The following TRIP4 variants were observed in gnomAD, a reference collection of about 807,000 sequenced individuals.
TRIP4 encodes the protein activating signal cointegrator 1.
TRIP4 carries 54 observed loss-of-function variants against 81.8 expected under a neutral mutation model. The ratio of observed to expected loss-of-function variants is 0.66; its 90% confidence interval spans 0.53 to 0.83. The LOEUF is 0.83. TRIP4 is among the 40% of genes least tolerant of loss of function. TRIP4 has a pLI of 0.00. For missense variants in TRIP4, 662 were observed against 683.6 expected (o/e 0.97, Z 0.35); for synonymous variants, 270 against 242.8 (o/e 1.11, Z -1.04).
chr15:64,418,840 CT>C, intron 9 of TRIP4, 112 bp downstream of exon 9: 1 of 981,058 alleles, frequency 1.0e-6, no homozygotes, highest in Non-Finnish European at 1.4e-6. Context: ...TTATAATACT[CT>C]TCAATAAATA....
intron 11 of TRIP4, among the ~76,000 whole-genome samples, chr15:64,441,242 C>T (rs1321594338): frequency 6.6e-6 from 1 of 151,750 alleles, no homozygotes; most frequent in Non-Finnish European, 1.5e-5. Flanking sequence ...GTGGTCCGCC[C>T]GCTTTGGCCT....
chr15:64,420,839 A>AT (rs1464183602), intron 9 of TRIP4, among the ~76,000 whole-genome samples: 1 of 151,572 alleles, frequency 6.6e-6, no homozygotes, highest in Non-Finnish European at 1.5e-5. Flanking sequence ...GCCATTTCTT[A>AT]TTTTTTTCTA....
chr15:64,387,989 G>C, intron 1 of TRIP4, 25 bp downstream of exon 1: 1 of 1,540,408 alleles, frequency 6.5e-7, no homozygotes. Flanking sequence ...GGTCCAAGCG[G>C]GGAAGGAGCT....
At chr15:64,444,949 C>T in intron 11 of TRIP4, 57 bp from the exon 12 acceptor site, 1 of 912,256 alleles carries the variant, frequency 1.1e-6, no homozygotes, top group South Asian at 1.5e-5. Flanking sequence ...CTTCTGTTCT[C>T]CTTAAATTCA....
chr15:64,441,596 A>C (rs1017043101), intron 11 of TRIP4, among the ~76,000 whole-genome samples: 1 of 151,406 alleles, frequency 6.6e-6, no homozygotes, highest in Non-Finnish European at 1.5e-5. Context: ...ACACGGTGAA[A>C]CCCCGTCTCT....
chr15:64,418,681 C>G lies in TRIP4; in HGVS notation c.1311C>G (p.Leu437=). ...AAGGCTTTGATGGTGGCTGGTGCCT[C>G]TCTGTACATCAGCCCTGGGCTTCTC... ...FQEGFDGGWC[L]SVHQPWASLL... Residue 437 remains leucine (L), a synonymous_variant, in exon 9 of 13, where the codon CTC becomes CTG. Transcript: ENST00000261884. 1 of 1,613,986 alleles carries G rather than the reference C, an allele frequency of 6.2e-7. No individual in the cohort carries two copies. The highest frequency in any genetic ancestry group is 8.5e-7 in the Non-Finnish European group (1 of 1,180,018).
At chr15:64,436,359 C>T (rs552286419) in intron 11 of TRIP4, among the ~76,000 whole-genome samples, 127 of 150,656 alleles carry the variant, frequency 8.4e-4, no homozygotes, top group Middle Eastern at 3.6e-3. Context: ...TTTGGGAGGC[C>T]GAGGCGGGCA....
chr15:64,432,802 T>G (rs1424671198), intron 11 of TRIP4, among the ~76,000 whole-genome samples: 1 of 151,356 alleles, frequency 6.6e-6, no homozygotes, highest in Non-Finnish European at 1.5e-5. Flanking sequence ...TCCCAGCTAC[T>G]CGGGAGGCTG....
At chr15:64,415,626 C>G (rs1231775014) in intron 8 of TRIP4, among the ~76,000 whole-genome samples, 1 of 152,202 alleles carries the variant, frequency 6.6e-6, no homozygotes, top group Non-Finnish European at 1.5e-5. Flanking sequence ...ACTGTGTGCT[C>G]TCTCCTCTTA....
intron 11 of TRIP4, among the ~76,000 whole-genome samples, chr15:64,437,224 G>C (rs1245077677): frequency 6.7e-6 from 1 of 149,968 alleles, no homozygotes; most frequent in Non-Finnish European, 1.5e-5. Context: ...TTCAAGAGTA[G>C]CCTGGCCAAC....
At chr15:64,388,179 C>A in intron 1 of TRIP4, 1 of 781,224 alleles carries the variant, frequency 1.3e-6, no homozygotes. Flanking sequence ...GGCTTTTTTC[C>A]TGGGAAGACG....
chr15:64,412,431 T>C (rs530087904), intron 7 of TRIP4, among the ~76,000 whole-genome samples: 2 of 152,296 alleles, frequency 1.3e-5, no homozygotes, highest in African/African-American at 4.8e-5. Flanking sequence ...ATACAACATG[T>C]TGGATGATGG....
At chr15:64,392,939 A>G (rs1900177666) in intron 1 of TRIP4, among the ~76,000 whole-genome samples, 1 of 152,080 alleles carries the variant, frequency 6.6e-6, no homozygotes. Context: ...GTGAGGCCCA[A>G]AGGCACAAAT....
At chr15:64,431,358 G>A (rs1159114641) in intron 11 of TRIP4, among the ~76,000 whole-genome samples, 1 of 152,108 alleles carries the variant, frequency 6.6e-6, no homozygotes, top group Non-Finnish European at 1.5e-5. Context: ...TAAAATCACA[G>A]CTCACTTGAG....
chr15:64,420,083 G>A (rs2140298252), intron 9 of TRIP4, among the ~76,000 whole-genome samples: 1 of 151,970 alleles, frequency 6.6e-6, no homozygotes, highest in South Asian at 2.1e-4. Flanking sequence ...CAAACTGCTG[G>A]GATTATAGGT....
At chr15:64,396,367 C>A (rs1418168079) in intron 3 of TRIP4, among the ~76,000 whole-genome samples, 1 of 148,908 alleles carries the variant, frequency 6.7e-6, no homozygotes. Flanking sequence ...ACCTCTGCCT[C>A]CCTGGTTCAA....
At chr15:64,396,151 C>T (rs1900286716) in intron 3 of TRIP4, among the ~76,000 whole-genome samples, 1 of 151,240 alleles carries the variant, frequency 6.6e-6, no homozygotes, top group Non-Finnish European at 1.5e-5. Context: ...TCAGGCAATC[C>T]ACCCACCTTG....
At chr15:64,424,184 T>G (rs1233108284) in intron 10 of TRIP4, 29 bp downstream of exon 10, 22 of 1,613,448 alleles carry the variant, frequency 1.4e-5, no homozygotes, top group Non-Finnish European at 1.9e-5. Flanking sequence ...CCTTTCAATT[T>G]TACTTTATGG....
Position 64,397,754 on chromosome 15 carries a change from T to G in TRIP4, c.554T>G (p.Leu185Arg). 1 of 1,614,250 alleles carries G rather than the reference T, an allele frequency of 6.2e-7. No homozygotes were observed. The highest frequency in any genetic ancestry group is 8.5e-7 in the Non-Finnish European group (1 of 1,180,036). The change falls in exon 4 of 13, where the codon CTG becomes CGG. Residue 185 changes from leucine (L) to arginine (R), a missense_variant. Transcript: ENST00000261884. ...GQKHKLINNC[L>R]ICGRIVCEQE... ...AAGCACAAGCTCATCAATAACTGTC[T>G]GATCTGTGGGCGCATTGTCTGTGAA...
Sources: allele counts gnomAD v4.1 joint callset (sites outside exome capture counted in the v4.1 genomes callset), GRCh38; gene constraint gnomAD v4.1.1; transcripts MANE v1.5; gene names NCBI Gene and HGNC (gene_info 2026-07-23, HGNC 2026-07-21).